Variants in CCDC141 observed in about 807,000 individuals in gnomAD.
The protein encoded by CCDC141 is coiled-coil domain containing 141, also known as coiled-coil domain-containing protein 141.
A neutral mutation model predicts 181.0 loss-of-function variants in CCDC141; 168 were observed. The observed-to-expected ratio is 0.93, with a 90% CI of 0.82 to 1.05. The LOEUF is 1.05. CCDC141 is among the 50% of genes least tolerant of loss of function. The pLI, the probability that CCDC141 is intolerant of heterozygous loss-of-function variation, is 0.00. For synonymous variants in CCDC141, 666 were observed against 642.3 expected (o/e 1.04, Z -0.56); for missense variants, 1,902 against 1,788.5 (o/e 1.06, Z -1.14).
intron 8 of CCDC141, among the ~76,000 whole-genome samples, chr2:178,890,277 T>C (rs888951606): frequency 5.9e-5 from 9 of 152,088 alleles, no homozygotes; most frequent in Non-Finnish European, 1.0e-4. Flanking sequence ...AGGTGCCCAC[T>C]CCCACCTCTG....
At chr2:178,827,963 A>G (rs1684149988), downstream of CCDC141, among the ~76,000 whole-genome samples, 1 of 151,944 alleles carries the variant, frequency 6.6e-6, no homozygotes, top group Non-Finnish European at 1.5e-5. Context: ...AGCGATTGCA[A>G]TCTCTGGTGC....
intron 6 of CCDC141, among the ~76,000 whole-genome samples, chr2:178,928,962 T>C (rs1211715626): frequency 1.3e-5 from 2 of 152,238 alleles, no homozygotes; most frequent in African/African-American, 4.8e-5. Flanking sequence ...TGATTTCTAA[T>C]TTATGTTCTG....
chr2:178,895,008 C>T (rs778129641), intron 8 of CCDC141, among the ~76,000 whole-genome samples: 16 of 152,016 alleles, frequency 1.1e-4, no homozygotes, highest in Non-Finnish European at 1.9e-4. Context: ...TTTTGGTAGT[C>T]CCCTGGCCCT....
chr2:178,850,467 T>C (rs1185255488), intron 20 of CCDC141, among the ~76,000 whole-genome samples: 1 of 152,242 alleles, frequency 6.6e-6, no homozygotes, highest in Non-Finnish European at 1.5e-5. Context: ...GGTTCCTCTC[T>C]GCTTAGAGAA....
intron 2 of CCDC141, among the ~76,000 whole-genome samples, chr2:178,980,831 C>A (rs1208489463): frequency 6.6e-6 from 1 of 152,044 alleles, no homozygotes; most frequent in Non-Finnish European, 1.5e-5. Context: ...TATTGTACAA[C>A]TTAGGTGTAT....
intron 2 of CCDC141, among the ~76,000 whole-genome samples, chr2:179,012,418 A>G (rs2042295853): frequency 6.6e-6 from 1 of 152,116 alleles, no homozygotes; most frequent in Non-Finnish European, 1.5e-5. Flanking sequence ...ACCTTAAATC[A>G]AGAAAAATTA....
At chr2:178,855,731 A>G (rs1408080060) in intron 18 of CCDC141, among the ~76,000 whole-genome samples, 190 bp from the exon 19 acceptor site, 1 of 152,226 alleles carries the variant, frequency 6.6e-6, no homozygotes, top group Non-Finnish European at 1.5e-5. Flanking sequence ...CATTCAGCAA[A>G]TAAATAGAAA....
chr2:179,013,518 T>C (rs976113894), intron 2 of CCDC141, among the ~76,000 whole-genome samples: 3 of 152,118 alleles, frequency 2.0e-5, no homozygotes, highest in African/African-American at 7.2e-5. Flanking sequence ...AGAATCAATA[T>C]TGTGAAAATG....
At chr2:178,845,994 A>G (rs1006516271) in intron 21 of CCDC141, among the ~76,000 whole-genome samples, 1 of 152,196 alleles carries the variant, frequency 6.6e-6, no homozygotes, top group African/African-American at 2.4e-5. Flanking sequence ...GCAGGAAAAA[A>G]GTAATCATTA....
intron 4 of CCDC141, among the ~76,000 whole-genome samples, chr2:178,964,064 T>C (rs895546542): frequency 6.6e-5 from 10 of 152,310 alleles, no homozygotes; most frequent in Admixed American, 4.6e-4. Context: ...CAAGTTCTTA[T>C]GGGGAGGTCC....
intron 7 of CCDC141, among the ~76,000 whole-genome samples, chr2:178,916,759 G>A (rs1688468902): frequency 6.6e-6 from 1 of 152,050 alleles, no homozygotes; most frequent in Admixed American, 6.6e-5. Flanking sequence ...GCTATAGTAT[G>A]GATAAATCCC....
At chr2:178,871,986 A>G in intron 13 of CCDC141, 147 bp downstream of exon 13, 2 of 778,410 alleles carry the variant, frequency 2.6e-6, no homozygotes. Flanking sequence ...GAGTTTGACT[A>G]CAGGGACCTC....
At chr2:178,900,636 G>A (rs910360362) in intron 8 of CCDC141, among the ~76,000 whole-genome samples, 12 of 152,084 alleles carry the variant, frequency 7.9e-5, no homozygotes, top group African/African-American at 2.9e-4. Flanking sequence ...AACACAGAAT[G>A]TATAAAAAAT....
intron 6 of CCDC141, among the ~76,000 whole-genome samples, chr2:178,933,279 G>A (rs1689165646): frequency 6.6e-6 from 1 of 152,074 alleles, no homozygotes; most frequent in African/African-American, 2.4e-5. Flanking sequence ...CATAATATAA[G>A]ACAACAATAT....
chr2:179,034,774 A>C (rs2043094313), intron 2 of CCDC141, among the ~76,000 whole-genome samples: 1 of 152,178 alleles, frequency 6.6e-6, no homozygotes, highest in Non-Finnish European at 1.5e-5. Flanking sequence ...GTATCTTTTT[A>C]ATGATTGTTT....
intron 7 of CCDC141, among the ~76,000 whole-genome samples, chr2:178,907,528 T>C (rs1477257608): frequency 1.3e-5 from 2 of 152,242 alleles, no homozygotes; most frequent in East Asian, 1.9e-4. Flanking sequence ...TTCCTTCTTA[T>C]AGGTTAGAAA....
chr2:178,892,602 C>T (rs1430247242), intron 8 of CCDC141, among the ~76,000 whole-genome samples: 1 of 152,158 alleles, frequency 6.6e-6, no homozygotes, highest in Non-Finnish European at 1.5e-5. Context: ...ACCGGACTTT[C>T]CTTTTGAAAG....
rs1307749703 is a variant in CCDC141 at position 178,831,100 on chromosome 2, G to T, written c.*3073C>A. ...ATGAGTGATAGAGGTTACCATTATT[G>T]ATTAATATAGCTAAAAAATTTTCTG... is the stretch of plus-strand genomic sequence containing the variant. On this transcript the variant is annotated 3_prime_UTR_variant, in exon 24 of 24. Transcript: ENST00000443758. The T allele has an allele frequency of 6.6e-6, 1 of 152,006 alleles. No individual in the cohort carries two copies. Among genetic ancestry groups the T allele is most frequent in the Non-Finnish European group, 1.5e-5 (1 of 67,988 alleles). 9.4% of individuals were successfully genotyped at this position (152,006 alleles called of 1,614,324 possible).
At chr2:178,844,224 T>C (rs1684841968) in intron 22 of CCDC141, among the ~76,000 whole-genome samples, 3 of 152,190 alleles carry the variant, frequency 2.0e-5, no homozygotes, top group African/African-American at 7.2e-5. Flanking sequence ...TGATAGGGTG[T>C]TGGAGTTAGT....
Sources: allele counts gnomAD v4.1 joint callset (sites outside exome capture counted in the v4.1 genomes callset), GRCh38; gene constraint gnomAD v4.1.1; transcripts MANE v1.5; gene names NCBI Gene and HGNC (gene_info 2026-07-23, HGNC 2026-07-21).